DPP10: variants seen among roughly 807,000 people sequenced by gnomAD.
The protein encoded by DPP10 is dipeptidyl peptidase like 10, also known as inactive dipeptidyl peptidase 10.
DPP10 carries 33 observed loss-of-function variants against 120.9 expected under a neutral mutation model. That is an observed-to-expected ratio of 0.27 (90% CI 0.21 to 0.37). The LOEUF (loss-of-function observed/expected upper bound fraction) is 0.37, where lower values mean the gene tolerates loss of function less well. DPP10 is among the 10% of genes least tolerant of loss of function. The pLI, the probability that DPP10 is intolerant of heterozygous loss-of-function variation, is 1.00. For missense variants in DPP10, 816 were observed against 942.8 expected (o/e 0.87, Z 1.76); for synonymous variants, 337 against 326.1 (o/e 1.03, Z -0.36).
At chr2:115,260,217 A>G (rs2059193809) in intron 1 of DPP10, among the ~76,000 whole-genome samples, 1 of 151,834 alleles carries the variant, frequency 6.6e-6, no homozygotes, top group East Asian at 1.9e-4. Flanking sequence ...TCATGGTATT[A>G]TGTATATAAC....
chr2:115,614,940 A>C (rs1411872434), intron 5 of DPP10, among the ~76,000 whole-genome samples: 1 of 152,204 alleles, frequency 6.6e-6, no homozygotes, highest in Non-Finnish European at 1.5e-5. Context: ...AATTGCCCTC[A>C]ATTCCCTATC....
intron 1 of DPP10, among the ~76,000 whole-genome samples, chr2:114,501,732 G>C (rs1473194017): frequency 3.3e-5 from 5 of 152,068 alleles, no homozygotes; most frequent in African/African-American, 4.8e-5. Flanking sequence ...TTTGGTGCTA[G>C]AGCGGTTCAA....
At chr2:115,286,527 A>T (rs1262037610) in intron 1 of DPP10, among the ~76,000 whole-genome samples, 1 of 5,946 alleles carries the variant, frequency 1.7e-4, no homozygotes, top group Admixed American at 2.4e-3. Context: ...TATATATATA[A>T]TATATATATA....
intron 1 of DPP10, among the ~76,000 whole-genome samples, chr2:114,729,363 G>T (rs1461957838): frequency 6.6e-6 from 1 of 152,200 alleles, no homozygotes; most frequent in Admixed American, 6.5e-5. Flanking sequence ...AAAATGAAAT[G>T]ACTATGGCTC....
intron 1 of DPP10, among the ~76,000 whole-genome samples, chr2:115,123,573 A>AT (rs1337225843): frequency 6.6e-6 from 1 of 152,212 alleles, no homozygotes; most frequent in African/African-American, 2.4e-5. Context: ...GAGCCCGGTC[A>AT]TCCAAATCCT....
At chr2:114,601,769 G>C (rs943251753) in intron 1 of DPP10, among the ~76,000 whole-genome samples, 2 of 151,832 alleles carry the variant, frequency 1.3e-5, no homozygotes, top group Non-Finnish European at 2.9e-5. Context: ...AAATTGATGA[G>C]GGCATTAAGT....
chr2:115,604,600 T>A (rs1174734063), intron 5 of DPP10, among the ~76,000 whole-genome samples: 2 of 152,116 alleles, frequency 1.3e-5, no homozygotes, highest in Non-Finnish European at 2.9e-5. Context: ...GTCACTCAGA[T>A]TTACCCTACC....
chr2:115,339,137 A>G (rs1435414158), intron 2 of DPP10, among the ~76,000 whole-genome samples: 1 of 152,224 alleles, frequency 6.6e-6, no homozygotes, highest in African/African-American at 2.4e-5. Flanking sequence ...TAATTCAGTT[A>G]GAAAGTGGGC....
intron 1 of DPP10, among the ~76,000 whole-genome samples, chr2:114,596,314 C>T (rs571613092): frequency 9.0e-6 from 1 of 110,570 alleles, no homozygotes; most frequent in Admixed American, 8.7e-5. Flanking sequence ...GACCTCTCGT[C>T]CCTATATATA....
chr2:115,565,648 G>A (rs575766376), intron 5 of DPP10, among the ~76,000 whole-genome samples: 42 of 151,388 alleles, frequency 2.8e-4, no homozygotes, highest in African/African-American at 9.9e-4. Context: ...ATCTTTCTTT[G>A]TGGACTTGAT....
chr2:114,480,347 C>T lies in DPP10; in HGVS notation c.60+37509C>T, dbSNP rs1462701460. 5.9e-5 allele frequency among the ~76,000 whole-genome samples: 9 copies of T among 152,048 alleles called. No homozygotes were observed. The South Asian group carries it at 6.3e-4, about 11-fold the overall frequency. The stretch of plus-strand genomic sequence containing the variant: ...GAAATACCATTTGACCCAGCCATCC[C>T]GTTACTGGGTATATACCCAAAGGAT... On this transcript the variant is annotated intron_variant, in intron 1 of 25. Coordinates refer to ENST00000410059, the MANE Select transcript of DPP10 (RefSeq NM_020868.6).
chr2:115,822,790 A>C (rs908046029), intron 21 of DPP10, among the ~76,000 whole-genome samples: 10 of 151,954 alleles, frequency 6.6e-5, no homozygotes, highest in African/African-American at 2.4e-4. Flanking sequence ...AATGTGTTAA[A>C]ATCTCACTTT....
chr2:114,818,760 A>T (rs1334215510), intron 1 of DPP10, among the ~76,000 whole-genome samples: 2 of 152,108 alleles, frequency 1.3e-5, no homozygotes, highest in Non-Finnish European at 2.9e-5. Context: ...TCCTTTACAG[A>T]TTGTATGCTT....
intron 1 of DPP10, among the ~76,000 whole-genome samples, chr2:114,497,048 TACAC>T (rs1408209349): frequency 6.6e-6 from 1 of 150,496 alleles, no homozygotes; most frequent in Admixed American, 6.6e-5. Context: ...TATATATGCA[TACAC>T]ATACATATAT....
At chr2:115,240,771 T>C (rs529532899) in intron 1 of DPP10, among the ~76,000 whole-genome samples, 1 of 152,322 alleles carries the variant, frequency 6.6e-6, no homozygotes, top group South Asian at 2.1e-4. Context: ...CCACTCCTTA[T>C]ACACTCAATT....
intron 1 of DPP10, among the ~76,000 whole-genome samples, chr2:115,150,873 G>C (rs1033345223): frequency 3.9e-5 from 6 of 152,176 alleles, no homozygotes; most frequent in African/African-American, 1.4e-4. Flanking sequence ...AAAACGTTTA[G>C]TGTGTTGGGA....
intron 1 of DPP10, among the ~76,000 whole-genome samples, chr2:114,935,337 G>T (rs1470177833): frequency 1.3e-5 from 2 of 151,990 alleles, no homozygotes; most frequent in Non-Finnish European, 1.5e-5. Context: ...TTTTACTGAA[G>T]CCTCTTACCT....
intron 1 of DPP10, among the ~76,000 whole-genome samples, chr2:114,793,881 C>T (rs935921004): frequency 1.3e-5 from 2 of 152,114 alleles, no homozygotes; most frequent in African/African-American, 4.8e-5. Flanking sequence ...CTCTCTAGTG[C>T]TTCAAGTGGG....
chr2:114,603,782 C>T (rs1195799524), intron 1 of DPP10, among the ~76,000 whole-genome samples: 1 of 151,912 alleles, frequency 6.6e-6, no homozygotes, highest in Non-Finnish European at 1.5e-5. Flanking sequence ...AGACATGGCA[C>T]CATGGAAGGC....
Sources: gnomAD v4.1 joint callset for allele counts (sites outside exome capture counted in the v4.1 genomes callset) on GRCh38, gnomAD v4.1.1 for gene constraint, MANE v1.5 for transcripts, NCBI Gene and HGNC (gene_info 2026-07-23, HGNC 2026-07-21) for gene names.